NT5C1B: variants seen among roughly 807,000 people sequenced by gnomAD.
The protein encoded by NT5C1B is 5'-nucleotidase, cytosolic IB, also known as cytosolic 5'-nucleotidase 1B.
Under a neutral mutation model 57.8 loss-of-function variants are expected in NT5C1B, and 44 were observed. The ratio of observed to expected loss-of-function variants is 0.76; its 90% CI spans 0.60 to 0.98. The LOEUF (loss-of-function observed/expected upper bound fraction) is 0.98. Ranked by LOEUF, NT5C1B falls within the 50% of genes least tolerant of loss-of-function variation. The pLI is 0.00. For missense variants in NT5C1B, 742 were observed against 719.5 expected (o/e 1.03, Z -0.36); for synonymous variants, 284 against 282.6 (o/e 1.00, Z -0.05).
chr2:18,568,104 A>G (rs1182867159), intron 8 of NT5C1B, among the ~76,000 whole-genome samples: 2 of 151,700 alleles, frequency 1.3e-5, no homozygotes, highest in Non-Finnish European at 2.9e-5. Flanking sequence ...ACACACACAC[A>G]CACACACACA....
chr2:18,581,283 CT>C (rs956113306), intron 6 of NT5C1B, among the ~76,000 whole-genome samples: 26 of 151,840 alleles, frequency 1.7e-4, no homozygotes, highest in African/African-American at 6.0e-4. Flanking sequence ...CCTAAGATTC[CT>C]TTTTTTTAAA....
At chr2:18,583,806 A>T in intron 5 of NT5C1B, 1 of 611,818 alleles carries the variant, frequency 1.6e-6, no homozygotes, top group Non-Finnish European at 3.1e-6. Flanking sequence ...GCTTCTTAGC[A>T]CTCCTTCGAG....
chr2:18,583,533 A>G (rs1666371031), intron 5 of NT5C1B: 1 of 278,846 alleles, frequency 3.6e-6, no homozygotes. Context: ...TCTACCAACA[A>G]CTTGTAGAGG....
At chr2:18,585,301 C>T in intron 3 of NT5C1B, 2 of 608,236 alleles carry the variant, frequency 3.3e-6, no homozygotes, top group South Asian at 1.6e-5. Flanking sequence ...AAGTTCTGTC[C>T]CCTGCTTGGC....
chr2:18,583,129 T>A, intron 5 of NT5C1B, 132 bp from the exon 6 acceptor site: 1 of 1,232,096 alleles, frequency 8.1e-7, no homozygotes, highest in Non-Finnish European at 1.1e-6. Context: ...CTGGCTCCTT[T>A]AAGGAAGATT....
At chr2:18,566,771 C>A (rs766939941) in intron 8 of NT5C1B, among the ~76,000 whole-genome samples, 5 of 152,028 alleles carry the variant, frequency 3.3e-5, no homozygotes, top group Non-Finnish European at 7.4e-5. Context: ...TTACAAAAAG[C>A]AAATACTAGG....
intron 8 of NT5C1B, among the ~76,000 whole-genome samples, chr2:18,566,415 A>G (rs929108962): frequency 2.6e-5 from 4 of 152,188 alleles, no homozygotes; most frequent in Non-Finnish European, 5.9e-5. Context: ...TATATCTTAG[A>G]AAAAAACAAG....
intron 8 of NT5C1B, among the ~76,000 whole-genome samples, chr2:18,566,192 A>G (rs73916880): frequency 0.036 from 5,515 of 152,160 alleles, 331 homozygotes; most frequent in African/African-American, 0.13. Flanking sequence ...AATGTATTCA[A>G]TGTCAGCTCT....
At chr2:18,581,950 T>C (rs752485484) in intron 6 of NT5C1B, among the ~76,000 whole-genome samples, 8 of 152,208 alleles carry the variant, frequency 5.3e-5, no homozygotes, top group South Asian at 2.1e-4. Flanking sequence ...ATAACTGATT[T>C]CTTATGCTTC....
At chr2:18,568,963 G>A (rs2148091479) in intron 8 of NT5C1B, among the ~76,000 whole-genome samples, 1 of 152,320 alleles carries the variant, frequency 6.6e-6, no homozygotes, top group South Asian at 2.1e-4. Flanking sequence ...TGCCATGCAT[G>A]CGTATCCTCA....
intron 8 of NT5C1B, 123 bp from the exon 9 acceptor site, chr2:18,564,242 T>TA: frequency 8.6e-7 from 1 of 1,164,094 alleles, no homozygotes. Context: ...CATGCAGTGT[T>TA]ATGAAGCTGA....
At chr2:18,563,920 T>G (rs937248379) in exon 9 of NT5C1B, 2 of 1,614,152 alleles carry the variant, frequency 1.2e-6, no homozygotes, top group Middle Eastern at 1.6e-4. Flanking sequence ...GATGGGACTT[T>G]TGGGGGCTCC....
At chr2:18,586,987 T>C (rs1465212454) in intron 2 of NT5C1B, 1 of 1,614,078 alleles carries the variant, frequency 6.2e-7, no homozygotes, top group African/African-American at 1.3e-5. Context: ...GTGTGATCTC[T>C]GCTCACCCTC....
Position 18,584,328 on chromosome 2 carries a change from T to C in NT5C1B, c.724-73A>G. Reference sequence around the variant, plus strand: ...GGACAGGGTTGGGGCTCCTCCAGGGTAGGGTGAGAGTAGGACAGCGGGCCC... The same window carrying C: ...GGACAGGGTTGGGGCTCCTCCAGGGCAGGGTGAGAGTAGGACAGCGGGCCC... On this transcript the variant is annotated intron_variant, in intron 4 of 8. Coordinates refer to ENST00000304081, the Ensembl canonical transcript of NT5C1B. This position sits in a 1 kb window ranked among gnomAD's most constrained non-coding sequence, Gnocchi z 5.8. 6.3e-7 allele frequency: 1 copy of C among 1,575,222 alleles called. No individual in the cohort carries two copies. The highest frequency in any genetic ancestry group is 8.6e-7 in the Non-Finnish European group (1 of 1,160,752).
chr2:18,569,479 T>TAATA (rs1217681393), intron 8 of NT5C1B, among the ~76,000 whole-genome samples: 1 of 152,056 alleles, frequency 6.6e-6, no homozygotes, highest in Admixed American at 6.5e-5. Flanking sequence ...GCACCAACTG[T>TAATA]AATATCTATA....
chr2:18,566,485 T>G (rs1414367641), intron 8 of NT5C1B, among the ~76,000 whole-genome samples: 3 of 152,170 alleles, frequency 2.0e-5, no homozygotes, highest in African/African-American at 4.8e-5. Flanking sequence ...GGGACTGTTT[T>G]TATGACAAAA....
intron 5 of NT5C1B, chr2:18,583,268 G>A (rs1329866783): frequency 3.6e-6 from 1 of 280,360 alleles, no homozygotes; most frequent in East Asian, 8.2e-5. Flanking sequence ...TGGGGGACAG[G>A]TAGAGAGTAG....
chr2:18,584,597 C>T lies in NT5C1B; in HGVS notation c.640G>A (p.Asp214Asn), dbSNP rs762623622. Residue 214 changes from aspartate to asparagine, a missense_variant, in exon 4 of 9, where the codon GAC becomes AAC. By Grantham distance (23) the Asp-to-Asn change is conservative. Transcript: ENST00000304081. The surrounding 1 kb of genome is among the most constrained non-coding windows in gnomAD (Gnocchi z 5.8). ...TAGGCAGCCTCGTAGTCGTCCTCGT[C>T]CTCCCGCTGCTGCTGCTGCTGCTCG... 1 of 1,612,548 alleles carries T rather than the reference C, an allele frequency of 6.2e-7. No homozygotes were observed. Among genetic ancestry groups the T allele is most frequent in the African/African-American group, 1.3e-5 (1 of 74,890 alleles).
At chr2:18,582,898 C>T (rs563755214) in exon 6 of NT5C1B, 8 of 1,614,008 alleles carry the variant, frequency 5.0e-6, no homozygotes, top group African/African-American at 4.0e-5. Context: ...ATAAGCCGCA[C>T]TCCCACTTGG....
Sources: allele counts gnomAD v4.1 joint callset (sites outside exome capture counted in the v4.1 genomes callset), GRCh38; gene constraint gnomAD v4.1.1; non-coding constraint Gnocchi (gnomAD v3.1); transcripts MANE v1.5; gene names NCBI Gene and HGNC (gene_info 2026-07-23, HGNC 2026-07-21).